Variants in DNAI2 observed in about 807,000 individuals in gnomAD.
DNAI2 encodes the protein dynein, axonemal, intermediate polypeptide 2.
DNAI2 carries 63 observed loss-of-function variants against 74.7 expected under a neutral mutation model. That is an observed-to-expected ratio of 0.84 (90% CI 0.69 to 1.04). The LOEUF is 1.04. DNAI2 is among the 50% of genes least tolerant of loss of function. The probability of loss-of-function intolerance (pLI) is 0.00; values close to 1 mark genes in which losing one functional copy is unlikely to be tolerated. For missense variants in DNAI2, 688 were observed against 803.2 expected (o/e 0.86, Z 1.73); for synonymous variants, 289 against 314.9 (o/e 0.92, Z 0.87).
intron 1 of DNAI2, among the ~76,000 whole-genome samples, chr17:74,275,883 G>C (rs7216193): frequency 0.29 from 43,843 of 151,806 alleles, 7,608 homozygotes; most frequent in East Asian, 0.78. Flanking sequence ...GAGCAACACT[G>C]TCCCAAAAGC....
In DNAI2 at chr17:74,303,127, A is replaced by G. The variant is rs1041321663; in HGVS notation, c.987+1959A>G. 3.1e-4 allele frequency among the ~76,000 whole-genome samples: 47 copies of G among 152,232 alleles called. 1 individual carries two copies. The highest frequency in any genetic ancestry group is 1.1e-3 in the African/African-American group (46 of 41,542). On this transcript the variant is annotated intron_variant, in intron 8 of 13. Transcript: ENST00000311014. ...TAATAAGCTTGTGCAGTCGCCTACAACCATCTCGTGGGGTAATGTTATTAT... is the reference window on the plus strand; with the variant it reads ...TAATAAGCTTGTGCAGTCGCCTACAGCCATCTCGTGGGGTAATGTTATTAT...
rs780598460 is a variant in DNAI2 at position 74,309,540 on chromosome 17, G to A, written c.1347+152G>A. 59 of 1,100,180 alleles carry A rather than the reference G, an allele frequency of 5.4e-5. No individual in the cohort carries two copies. In the African/African-American group the frequency reaches 6.7e-4, roughly 12 times the overall value. 68.2% of individuals were successfully genotyped at this position (1,100,180 alleles called of 1,614,324 possible). A position where few individuals can be genotyped will look rare whatever the true frequency, so the allele number is the denominator to read the frequency against. ...GAGCCGTGTGCAGGCTGACTGCAGCGATTGCTTTTGAGCGTGTGCTCCTAC... is the reference window on the plus strand; with the variant it reads ...GAGCCGTGTGCAGGCTGACTGCAGCAATTGCTTTTGAGCGTGTGCTCCTAC... On this transcript the variant is annotated intron_variant, in intron 10 of 13. Coordinates refer to ENST00000311014, the MANE Select transcript of DNAI2 (RefSeq NM_023036.6).
At position 74,314,627 on chromosome 17, in the gene DNAI2, G is replaced by GAT; in HGVS notation, c.*94_*95insAT. 1.7e-5 allele frequency: 4 copies of GAT among 238,536 alleles called. No homozygotes were observed. Among genetic ancestry groups the GAT allele is most frequent in the Non-Finnish European group, 1.7e-5 (2 of 117,310 alleles). The allele number at this position is 238,536 out of a possible 1,614,324, so 14.8% of individuals were successfully genotyped here. On this transcript the variant is annotated 3_prime_UTR_variant, in exon 14 of 14. Transcript: ENST00000311014. ...CTTGCATGGCCATGGCAGGGCCTCG[G>GAT]GAAGACCTTCAGGAGTGGGGAAGGG...
chr17:74,308,293 A>G (rs1204936598), intron 9 of DNAI2, among the ~76,000 whole-genome samples: 13 of 152,188 alleles, frequency 8.5e-5, no homozygotes, highest in Admixed American at 8.5e-4. Context: ...CCCTTTTAAA[A>G]AAATGTTCCG....
At chr17:74,296,479 A>AC (rs1264397179) in intron 6 of DNAI2, among the ~76,000 whole-genome samples, 16 of 152,152 alleles carry the variant, frequency 1.1e-4, no homozygotes. Context: ...GTCCTGCCTC[A>AC]GCCTCCCAAA....
intron 6 of DNAI2, among the ~76,000 whole-genome samples, chr17:74,295,233 T>TTAAAAAAAAAA (rs377712998): frequency 8.9e-6 from 1 of 112,356 alleles, no homozygotes; most frequent in Non-Finnish European, 1.8e-5. Flanking sequence ...CATCTCTACT[T>TTAAAAAAAAAA]AAAAAAAAAA....
Position 74,300,194 on chromosome 17 carries a change from G to C in DNAI2, c.864+337G>C, listed in dbSNP as rs1406764788. Among the ~76,000 whole-genome samples, 1 of 152,196 alleles carries C rather than the reference G, an allele frequency of 6.6e-6. No homozygotes were observed. The highest frequency in any genetic ancestry group is 2.4e-5 in the African/African-American group (1 of 41,448). On this transcript the variant is annotated intron_variant, in intron 7 of 13. Coordinates refer to ENST00000311014, the MANE Select transcript of DNAI2 (RefSeq NM_023036.6). The surrounding 1 kb of genome is among the most constrained non-coding windows in gnomAD (Gnocchi z 4.5). ...AACTCTGACCTCAGGTGATCCACCCGCCTTGGCCTCCCAAAGTGGTGGGAT... is the reference window on the plus strand; with the variant it reads ...AACTCTGACCTCAGGTGATCCACCCCCCTTGGCCTCCCAAAGTGGTGGGAT...
intron 6 of DNAI2, among the ~76,000 whole-genome samples, chr17:74,297,623 C>G (rs2052526401): frequency 1.3e-5 from 2 of 151,802 alleles, no homozygotes; most frequent in Non-Finnish European, 2.9e-5. Context: ...CTCAAGTGAT[C>G]CACCCACCTT....
At chr17:74,293,862 C>A (rs899112439) in intron 6 of DNAI2, among the ~76,000 whole-genome samples, 4 of 151,956 alleles carry the variant, frequency 2.6e-5, no homozygotes, top group Non-Finnish European at 4.4e-5. Context: ...CGGCTCACTG[C>A]AACCTCCGCC....
At chr17:74,278,267 C>CAA (rs71361610) in intron 1 of DNAI2, among the ~76,000 whole-genome samples, 9 of 143,936 alleles carry the variant, frequency 6.3e-5, no homozygotes, top group Non-Finnish European at 7.6e-5. Flanking sequence ...CTCAACTCTA[C>CAA]AAAAAAAAAA....
At chr17:74,298,189 G>C (rs937972873) in intron 6 of DNAI2, among the ~76,000 whole-genome samples, 1 of 152,232 alleles carries the variant, frequency 6.6e-6, no homozygotes, top group Non-Finnish European at 1.5e-5. Flanking sequence ...CCCAGACTCT[G>C]GTGCTCCGCT....
chr17:74,314,476 C>G, intron 13 of DNAI2, 113 bp from the exon 14 acceptor site: 1 of 543,356 alleles, frequency 1.8e-6, no homozygotes, highest in Non-Finnish European at 3.1e-6. Context: ...ATTGTCTCAG[C>G]CACCCTGAGC....
intron 12 of DNAI2, among the ~76,000 whole-genome samples, chr17:74,313,245 T>C (rs1365977480): frequency 1.3e-5 from 2 of 152,194 alleles, no homozygotes; most frequent in Non-Finnish European, 2.9e-5. Context: ...ACAGGGAAGA[T>C]AACTGGTTCC....
At chr17:74,284,221 TAAAA>T (rs57863144) in intron 2 of DNAI2, among the ~76,000 whole-genome samples, 1 of 140,912 alleles carries the variant, frequency 7.1e-6, no homozygotes. Flanking sequence ...GACCCTCTCT[TAAAA>T]AAAAAAAAAA....
At chr17:74,312,470 C>T (rs1031063298) in intron 12 of DNAI2, among the ~76,000 whole-genome samples, 2 of 152,132 alleles carry the variant, frequency 1.3e-5, no homozygotes, top group African/African-American at 2.4e-5. Flanking sequence ...CTCCTGGTAT[C>T]CTCCCCTCCC....
intron 9 of DNAI2, 142 bp downstream of exon 9, chr17:74,305,584 A>T (rs2053142537): frequency 8.6e-6 from 6 of 698,618 alleles, no homozygotes; most frequent in Non-Finnish European, 1.4e-5. Flanking sequence ...TCGTGTTAGC[A>T]AGTGACTTGC....
At chr17:74,293,339 G>C (rs767397736) in intron 6 of DNAI2, among the ~76,000 whole-genome samples, 12 of 152,028 alleles carry the variant, frequency 7.9e-5, no homozygotes, top group Non-Finnish European at 1.6e-4. Flanking sequence ...TATGTTATTA[G>C]GTACATGCAC....
intron 6 of DNAI2, among the ~76,000 whole-genome samples, chr17:74,292,930 C>T (rs375270004): frequency 1.3e-5 from 2 of 151,740 alleles, no homozygotes; most frequent in Non-Finnish European, 2.9e-5. Context: ...CCTGGGTTCA[C>T]GCCATTCTCC....
In DNAI2 at chr17:74,305,670, CTTT is replaced by C. The variant is rs4007906; in HGVS notation, c.1211+248_1211+250del. On this transcript the variant is annotated intron_variant, in intron 9 of 13. Coordinates refer to ENST00000311014, the MANE Select transcript of DNAI2 (RefSeq NM_023036.6). ...AATGGCCATGGCTTAATTTTATTTC[CTTT>C]TTTTTTTTTTTTTTTTTTTGAGACA... Among the ~76,000 whole-genome samples, 678 of 122,200 alleles carry C rather than the reference CTTT, an allele frequency of 5.5e-3. 6 individuals are homozygous for C. The highest frequency in any genetic ancestry group is 0.022 in the African/African-American group (643 of 28,806). 80.2% of individuals were successfully genotyped at this position (122,200 alleles called of 152,430 possible).
Sources: gnomAD v4.1 joint callset for allele counts (sites outside exome capture counted in the v4.1 genomes callset) on GRCh38, gnomAD v4.1.1 for gene constraint, Gnocchi (gnomAD v3.1) non-coding constraint, MANE v1.5 for transcripts, NCBI Gene and HGNC (gene_info 2026-07-23, HGNC 2026-07-21) for gene names.